Variants in CEP83 observed in about 807,000 individuals in gnomAD.
The protein encoded by CEP83 is centrosomal protein 83, also known as centrosomal protein of 83 kDa.
CEP83 carries 70 observed loss-of-function variants against 101.9 expected under a neutral mutation model. The ratio of observed to expected loss-of-function variants is 0.69; its 90% CI spans 0.57 to 0.84. CEP83 has a LOEUF of 0.84. CEP83 is among the 40% of genes least tolerant of loss of function. The probability of loss-of-function intolerance (pLI) is 0.00; values close to 1 mark genes in which losing one functional copy is unlikely to be tolerated. For missense variants in CEP83, 715 were observed against 787.2 expected, an observed-to-expected ratio of 0.91 and a Z score of 1.10; for synonymous variants, 264 against 267.9, an observed-to-expected ratio of 0.99 and a Z score of 0.14.
chr12:94,284,362 A>G, the CEP83 span, among the ~76,000 whole-genome samples: 1 of 152,176 alleles, frequency 6.6e-6, no homozygotes, highest in African/African-American at 2.4e-5. Context: ...AGTTCAGTCT[A>G]CATCCAGAAA....
intron 14 of CEP83, among the ~76,000 whole-genome samples, chr12:94,319,702 A>C (rs1019489316): frequency 2.0e-5 from 3 of 152,082 alleles, no homozygotes; most frequent in Admixed American, 2.0e-4. Context: ...TCTTGATTTC[A>C]ATTTTTATTG....
intron 1 of CEP83, among the ~76,000 whole-genome samples, chr12:94,451,094 G>C (rs1163674077): frequency 6.6e-6 from 1 of 152,096 alleles, no homozygotes; most frequent in East Asian, 1.9e-4. Context: ...TTTAACAAAT[G>C]GTACTGGATA....
chr12:94,358,643 T>C (rs2060594222), intron 11 of CEP83, among the ~76,000 whole-genome samples: 1 of 152,310 alleles, frequency 6.6e-6, no homozygotes, highest in South Asian at 2.1e-4. Flanking sequence ...AAATGGAAAA[T>C]GTTCACTGAC....
At chr12:94,417,752 C>T (rs542355804) in intron 2 of CEP83, among the ~76,000 whole-genome samples, 11 of 152,072 alleles carry the variant, frequency 7.2e-5, no homozygotes, top group Admixed American at 2.6e-4. Flanking sequence ...CACACCACAG[C>T]ACTCCCGCCT....
chr12:94,368,801 T>A (rs1357646114), intron 9 of CEP83: 1 of 152,182 alleles, frequency 6.6e-6, no homozygotes, highest in Non-Finnish European at 1.5e-5. Context: ...CCTAAAAAAA[T>A]TTACTTCTTA....
chr12:94,313,971 C>T (rs913414455), intron 14 of CEP83, among the ~76,000 whole-genome samples: 1 of 152,050 alleles, frequency 6.6e-6, no homozygotes, highest in Admixed American at 6.5e-5. Context: ...TTAAAAGTTG[C>T]CTTTCTAAAT....
chr12:94,317,885 A>T (rs1164659529), intron 14 of CEP83, among the ~76,000 whole-genome samples: 1 of 152,092 alleles, frequency 6.6e-6, no homozygotes, highest in Non-Finnish European at 1.5e-5. Context: ...TGTTTGGCAT[A>T]GGATTGCTGT....
the CEP83 span, chr12:94,297,358 A>G: frequency 6.2e-7 from 1 of 1,613,958 alleles, no homozygotes; most frequent in African/African-American, 1.3e-5. Flanking sequence ...GCAAGGAAAG[A>G]GACATCGAGG....
At chr12:94,334,137 G>C (rs1234046999) in intron 12 of CEP83, among the ~76,000 whole-genome samples, 1 of 152,066 alleles carries the variant, frequency 6.6e-6, no homozygotes, top group Admixed American at 6.5e-5. Flanking sequence ...AATCAAAATT[G>C]TTCAGTGTAA....
chr12:94,290,203 G>T, the CEP83 span, among the ~76,000 whole-genome samples: 28 of 152,336 alleles, frequency 1.8e-4, no homozygotes, highest in East Asian at 1.5e-3. Context: ...TTTATAAAAA[G>T]ATATTTATTG....
rs373214715 is a variant in CEP83 at position 94,412,524 on chromosome 12, G to C, written c.-34C>G. ...AAGTTTTGGCTTTCTTACTGTTTTA[G>C]TTTTCTTTCCAAGGGTATTTCCCAC... On this transcript the variant is annotated 5_prime_UTR_variant, in exon 3 of 17. Transcript: ENST00000397809. The C allele has an allele frequency of 1.3e-6, 2 of 1,598,672 alleles. No individual in the cohort carries two copies. The highest frequency in any genetic ancestry group is 1.7e-6 in the Non-Finnish European group (2 of 1,171,144).
the CEP83 span, among the ~76,000 whole-genome samples, chr12:94,275,043 C>T: frequency 3.9e-5 from 6 of 152,212 alleles, no homozygotes; most frequent in African/African-American, 7.2e-5. Context: ...CGAAGTTAGA[C>T]GACTTCCCTA....
chr12:94,277,779 C>T, the CEP83 span: 3 of 362,970 alleles, frequency 8.3e-6, no homozygotes, highest in African/African-American at 2.1e-5. Context: ...GTTTTATTGC[C>T]GATACTATCA....
chr12:94,424,611 T>A lies in CEP83; in HGVS notation c.-102+10664A>T, dbSNP rs190923318. The A allele has an allele frequency of 2.8e-4, 448 of 1,613,404 alleles. 1 individual carries two copies. Among genetic ancestry groups the A allele is most frequent in the Non-Finnish European group, 1.6e-4 (189 of 1,179,298 alleles). ...TTTACCATCTGTGCCTGTACACCACTGGCCTTCAGTGCTGTTACAGCTTTC... is the reference window on the plus strand; with the variant it reads ...TTTACCATCTGTGCCTGTACACCACAGGCCTTCAGTGCTGTTACAGCTTTC... On this transcript the variant is annotated intron_variant, in intron 2 of 16. Coordinates refer to ENST00000397809, the MANE Select transcript of CEP83 (RefSeq NM_016122.3).
downstream of CEP83, chr12:94,303,763 C>A: frequency 6.9e-7 from 1 of 1,439,756 alleles, no homozygotes; most frequent in Non-Finnish European, 9.2e-7. Flanking sequence ...CAGGAAGCAC[C>A]AACTAATAAG....
chr12:94,355,098 A>G (rs931589404), intron 11 of CEP83, among the ~76,000 whole-genome samples: 1 of 152,234 alleles, frequency 6.6e-6, no homozygotes, highest in Admixed American at 6.5e-5. Flanking sequence ...GAATACCACA[A>G]AAGCAGAATT....
At chr12:94,313,333 A>G (rs867438654) in intron 14 of CEP83, among the ~76,000 whole-genome samples, 4 of 152,258 alleles carry the variant, frequency 2.6e-5, no homozygotes, top group Middle Eastern at 6.8e-3. Context: ...TACATCTGGT[A>G]AGAAATAATG....
At chr12:94,401,057 A>T in intron 5 of CEP83, 76 bp from the exon 6 acceptor site, 1 of 753,706 alleles carries the variant, frequency 1.3e-6, no homozygotes, top group Non-Finnish European at 1.9e-6. Flanking sequence ...TTACAAATAT[A>T]ATTTTAAATT....
chr12:94,313,049 T>C lies in CEP83; in HGVS notation c.1708-32A>G, dbSNP rs776473106. ...AGAGAAATATGAACAAGTATGTTAATACATAATCTCTTATTTGAACAAAAC... is the reference window on the plus strand; with the variant it reads ...AGAGAAATATGAACAAGTATGTTAACACATAATCTCTTATTTGAACAAAAC... On this transcript the variant is annotated intron_variant, in intron 14 of 16. Coordinates refer to ENST00000397809, the MANE Select transcript of CEP83 (RefSeq NM_016122.3). 1.2e-5 allele frequency: 11 copies of C among 950,738 alleles called. No homozygotes were observed. The Admixed American group carries it at 2.1e-4, about 18-fold the overall frequency. The allele number at this position is 950,738 out of a possible 1,614,324, so 58.9% of individuals were successfully genotyped here.
Sources: allele counts gnomAD v4.1 joint callset (sites outside exome capture counted in the v4.1 genomes callset), GRCh38; gene constraint gnomAD v4.1.1; transcripts MANE v1.5; gene names NCBI Gene and HGNC (gene_info 2026-07-23, HGNC 2026-07-21).